LRBA: variants seen among roughly 807,000 people sequenced by gnomAD.
The protein encoded by LRBA is lipopolysaccharide-responsive and beige-like anchor protein.
LRBA carries 176 observed loss-of-function variants against 330.0 expected under a neutral mutation model. The ratio of observed to expected loss-of-function variants is 0.53; its 90% confidence interval spans 0.47 to 0.60. LRBA has a LOEUF of 0.60. LRBA is among the 20% of genes least tolerant of loss of function. LRBA has a pLI of 0.00. For synonymous variants in LRBA, 1,230 were observed against 1,193.0 expected (o/e 1.03, Z -0.64); for missense variants, 3,259 against 3,444.8 (o/e 0.95, Z 1.35).
In LRBA at chr4:150,268,037, G is replaced by GTGAT. The variant is rs546487205; in HGVS notation, c.8469-2229_8469-2226dup. Among the ~76,000 whole-genome samples the GTGAT allele has an allele frequency of 2.1e-3, 304 of 146,736 alleles. 1 individual carries two copies. The highest frequency in any genetic ancestry group is 1.2e-3 in the Non-Finnish European group (83 of 67,374). On this transcript the variant is annotated intron_variant, in intron 56 of 56. Coordinates refer to ENST00000651943, the MANE Select transcript of LRBA (RefSeq NM_001364905.1). ...ATTGCACCATTGCACTCCAGCCTGGGTGATAGAGTGAGACTCCATCTCAAA... is the reference window on the plus strand; with the variant it reads ...ATTGCACCATTGCACTCCAGCCTGGGTGATTGATAGAGTGAGACTCCATCTCAAA...
chr4:150,444,296 G>C (rs1752300035), intron 44 of LRBA, among the ~76,000 whole-genome samples: 1 of 151,800 alleles, frequency 6.6e-6, no homozygotes, highest in Non-Finnish European at 1.5e-5. Context: ...GTGTTGCTGA[G>C]GCTTTTTATA....
chr4:150,740,068 C>G (rs1210357984), intron 35 of LRBA, among the ~76,000 whole-genome samples: 1 of 151,964 alleles, frequency 6.6e-6, no homozygotes, highest in African/African-American at 2.4e-5. Context: ...CATTTCATGT[C>G]TAAAAATTAA....
Position 150,735,239 on chromosome 4 carries a change from A to G in LRBA, c.5754+19T>C. 1 of 1,562,432 alleles carries G rather than the reference A, an allele frequency of 6.4e-7. No individual in the cohort carries two copies. Among genetic ancestry groups the G allele is most frequent in the Middle Eastern group, 1.7e-4 (1 of 5,966 alleles). ...TAAAAAACGGTAACTTCCGCACACC[A>G]ACCATATGTGTAACCTACCTCAAAT... is the stretch of plus-strand genomic sequence containing the variant. On this transcript the variant is annotated intron_variant, in intron 36 of 56. Transcript: ENST00000651943.
At position 150,900,030 on chromosome 4, in the gene LRBA, A is replaced by G. The variant is rs1730546721; in HGVS notation, c.1924+19T>C. The G allele has an allele frequency of 1.3e-6, 2 of 1,585,766 alleles. No individual in the cohort carries two copies. Among genetic ancestry groups the G allele is most frequent in the Non-Finnish European group, 1.7e-6 (2 of 1,158,838 alleles). The stretch of plus-strand genomic sequence containing the variant: ...GATTTGCATTTGTGTAAAGTAATAT[A>G]CAGACAGAAATTATATACCTAATCC... On this transcript the variant is annotated intron_variant, in intron 14 of 56. Coordinates refer to ENST00000651943, the MANE Select transcript of LRBA (RefSeq NM_001364905.1).
At chr4:150,848,778 A>T (rs769868719) in intron 26 of LRBA, 40 bp downstream of exon 26, 55 of 1,515,494 alleles carry the variant, frequency 3.6e-5, no homozygotes, top group Non-Finnish European at 4.5e-5. Flanking sequence ...TTACTGAAAA[A>T]TTTTTTTTAG....
intron 56 of LRBA, among the ~76,000 whole-genome samples, chr4:150,270,855 A>G (rs1745991787): frequency 6.6e-6 from 1 of 152,222 alleles, no homozygotes; most frequent in African/African-American, 2.4e-5. Flanking sequence ...ATTTTACATT[A>G]AACATCTTTA....
intron 34 of LRBA, among the ~76,000 whole-genome samples, chr4:150,779,611 T>C (rs2126582482): frequency 6.6e-6 from 1 of 152,228 alleles, no homozygotes; most frequent in East Asian, 1.9e-4. Context: ...TTTGAATGTC[T>C]AGACACTTTT....
intron 39 of LRBA, 142 bp downstream of exon 39, chr4:150,590,571 G>T: frequency 1.5e-6 from 1 of 649,514 alleles, no homozygotes; most frequent in South Asian, 2.2e-5. Flanking sequence ...ACTGTAGAAG[G>T]GGGGGAAGTA....
chr4:150,867,858 A>C lies in LRBA; in HGVS notation c.2579T>G (p.Leu860Trp). Residue 860 changes from leucine to tryptophan, a missense_variant, in exon 22 of 57, where the codon TTG becomes TGG. Leu to Trp is a moderately conservative substitution (Grantham distance 61). Coordinates refer to ENST00000651943, the MANE Select transcript of LRBA (RefSeq NM_001364905.1). ...TTCTTGCCACACAGAGCATTGTAGC[A>C]AGCTCCTGAAAATTATGAGAGGGTA... ...FNNSRENRRS[L>W]LQCSVWQEWM... 1 of 1,605,066 alleles carries C rather than the reference A, an allele frequency of 6.2e-7. No individual in the cohort carries two copies. The highest frequency in any genetic ancestry group is 8.5e-7 in the Non-Finnish European group (1 of 1,176,380).
rs569678555 is a variant in LRBA at position 150,962,442 on chromosome 4, C to T, written c.217-33377G>A. Among the ~76,000 whole-genome samples the T allele has an allele frequency of 1.3e-3, 200 of 149,296 alleles. 22 individuals are homozygous for T. The highest frequency in any genetic ancestry group is 4.0e-3 in the African/African-American group (154 of 38,696). On this transcript the variant is annotated intron_variant, in intron 2 of 56. Coordinates refer to ENST00000651943, the MANE Select transcript of LRBA (RefSeq NM_001364905.1). ...CTGAGGTGGAAGGATCACTTGAGCC[C>T]GGGAAGTCCCAGCTACAGTAAGCTG... is the stretch of plus-strand genomic sequence containing the variant.
intron 40 of LRBA, among the ~76,000 whole-genome samples, chr4:150,518,054 T>C (rs1048284535): frequency 6.6e-6 from 1 of 152,220 alleles, no homozygotes; most frequent in African/African-American, 2.4e-5. Context: ...AACCTCAACA[T>C]ACGCTATTTC....
Position 150,806,424 on chromosome 4 carries a change from T to C in LRBA, c.5385-20A>G. The C allele has an allele frequency of 6.4e-7, 1 of 1,551,808 alleles. No homozygotes were observed. Among genetic ancestry groups the C allele is most frequent in the Non-Finnish European group, 8.7e-7 (1 of 1,150,764 alleles). On this transcript the variant is annotated intron_variant, in intron 32 of 56. Coordinates refer to ENST00000651943, the MANE Select transcript of LRBA (RefSeq NM_001364905.1). ...GTAATACTAAGGAAAAGACATTAAG[T>C]TACTTGAACTATTCAACAGATTGTA...
At chr4:151,008,940 AGCCTGGGTGGCAGAGTGAGACTCCATCTC>A (rs2149670350) in intron 2 of LRBA, among the ~76,000 whole-genome samples, 1 of 125,082 alleles carries the variant, frequency 8.0e-6, no homozygotes, top group Admixed American at 9.2e-5. Flanking sequence ...ACTGCACTCC[AGCCTGGGTGGCAGAGTGAGACTCCATCTC>A]AAAAAAAAAA....
intron 54 of LRBA, among the ~76,000 whole-genome samples, chr4:150,283,039 C>T (rs1747736264): frequency 6.6e-6 from 1 of 152,216 alleles, no homozygotes; most frequent in South Asian, 2.1e-4. Flanking sequence ...ACACTAAGAC[C>T]TCTCCCTGCA....
At chr4:150,588,957 A>G (rs1772456537) in intron 39 of LRBA, among the ~76,000 whole-genome samples, 1 of 152,120 alleles carries the variant, frequency 6.6e-6, no homozygotes, top group Non-Finnish European at 1.5e-5. Flanking sequence ...CTACAGACAG[A>G]ACAGCATAAT....
chr4:150,733,518 A>G (rs966869779), intron 36 of LRBA, among the ~76,000 whole-genome samples: 1 of 151,744 alleles, frequency 6.6e-6, no homozygotes. Flanking sequence ...AACTTTCCTG[A>G]AAGCCTCAAA....
intron 37 of LRBA, among the ~76,000 whole-genome samples, chr4:150,670,703 T>C (rs923135617): frequency 2.0e-5 from 3 of 152,212 alleles, no homozygotes; most frequent in Non-Finnish European, 4.4e-5. Flanking sequence ...TATATGTAAT[T>C]GTTTATATCA....
intron 52 of LRBA, among the ~76,000 whole-genome samples, chr4:150,304,494 T>C (rs1730098490): frequency 6.6e-6 from 1 of 151,926 alleles, no homozygotes; most frequent in African/African-American, 2.4e-5. Context: ...AAAACTAATA[T>C]AGTACTTTTT....
intron 40 of LRBA, among the ~76,000 whole-genome samples, chr4:150,513,117 T>C (rs937867571): frequency 6.6e-6 from 1 of 152,206 alleles, no homozygotes; most frequent in Non-Finnish European, 1.5e-5. Flanking sequence ...ACATTGAATG[T>C]ATGATGGCAC....
Sources: gnomAD v4.1 joint callset for allele counts (sites outside exome capture counted in the v4.1 genomes callset) on GRCh38, gnomAD v4.1.1 for gene constraint, MANE v1.5 for transcripts, NCBI Gene and HGNC (gene_info 2026-07-23, HGNC 2026-07-21) for gene names.